Variants in CCDC141 observed in about 807,000 individuals in gnomAD.
The protein encoded by CCDC141 is coiled-coil domain containing 141, also known as coiled-coil domain-containing protein 141.
A neutral mutation model predicts 181.0 loss-of-function variants in CCDC141; 168 were observed. The ratio of observed to expected loss-of-function variants is 0.93; its 90% CI spans 0.82 to 1.05. The LOEUF is 1.05. Among genes scored for constraint, CCDC141 ranks in the 50% least tolerant of loss-of-function variants. The pLI, the probability that CCDC141 is intolerant of heterozygous loss-of-function variation, is 0.00. For missense variants in CCDC141, 1,902 were observed against 1,788.5 expected (o/e 1.06, Z -1.14); for synonymous variants, 666 against 642.3 (o/e 1.04, Z -0.56).
intron 8 of CCDC141, among the ~76,000 whole-genome samples, chr2:178,903,915 G>A (rs1269612676): frequency 2.6e-5 from 4 of 152,048 alleles, no homozygotes; most frequent in African/African-American, 7.2e-5. Flanking sequence ...AATTATAACT[G>A]GAAACCTCAC....
chr2:178,990,778 T>C (rs571997497), intron 2 of CCDC141, among the ~76,000 whole-genome samples: 1 of 152,170 alleles, frequency 6.6e-6, no homozygotes, highest in South Asian at 2.1e-4. Flanking sequence ...AAGAGCAGAA[T>C]GGTGCTTGCC....
Position 178,885,083 on chromosome 2 carries a change from G to A in CCDC141, c.1537C>T (p.His513Tyr), listed in dbSNP as rs932860976. The A allele has an allele frequency of 2.6e-6, 4 of 1,548,632 alleles. No homozygotes were observed. In the African/African-American group the frequency reaches 5.5e-5, roughly 21 times the overall value. ...GTTTTTGCAGCTGCTTCTAATTCAT[G>A]TGATGTCTCCTGTAAAAGCAAAGCA... ...ELDIQAKETSHELEAAAKTMM... is the reference protein window; with the variant it reads ...ELDIQAKETSYELEAAAKTMM... The change falls in exon 11 of 24, where the codon CAT becomes TAT. Residue 513 changes from histidine (H) to tyrosine (Y), a missense_variant. Coordinates refer to ENST00000443758, the MANE Select transcript of CCDC141 (RefSeq NM_173648.4).
chr2:179,018,061 G>A (rs1281905407), intron 2 of CCDC141, among the ~76,000 whole-genome samples: 1 of 152,150 alleles, frequency 6.6e-6, no homozygotes, highest in Admixed American at 6.6e-5. Context: ...CTTCCAAAAG[G>A]ATAGGAAACC....
intron 2 of CCDC141, among the ~76,000 whole-genome samples, chr2:178,987,943 A>G (rs2154381988): frequency 6.6e-6 from 1 of 151,320 alleles, no homozygotes; most frequent in South Asian, 2.1e-4. Flanking sequence ...TAGAAATACC[A>G]TTTGACCCAG....
Position 178,872,121 on chromosome 2 carries a change from T to A in CCDC141, c.2079+12A>T. Reference sequence around the variant, plus strand: ...TTCATTCCTTTTCACATCCCATTGTTCCTTGCCTCACCTTTTTAAGTTGCT... The same window carrying A: ...TTCATTCCTTTTCACATCCCATTGTACCTTGCCTCACCTTTTTAAGTTGCT... On this transcript the variant is annotated intron_variant, in intron 13 of 23. Transcript: ENST00000443758. The A allele has an allele frequency of 6.2e-7, 1 of 1,612,756 alleles. No individual in the cohort carries two copies. Among genetic ancestry groups the A allele is most frequent in the Non-Finnish European group, 8.5e-7 (1 of 1,179,452 alleles).
chr2:178,878,460 C>T (rs775034767), intron 11 of CCDC141, among the ~76,000 whole-genome samples: 5 of 148,610 alleles, frequency 3.4e-5, no homozygotes, highest in South Asian at 2.1e-4. Flanking sequence ...TATAGGCACC[C>T]GGCACCAGGC....
At chr2:178,939,575 C>T (rs1460709569) in intron 6 of CCDC141, among the ~76,000 whole-genome samples, 1 of 152,084 alleles carries the variant, frequency 6.6e-6, no homozygotes, top group African/African-American at 2.4e-5. Context: ...GAAATCTAAT[C>T]AGATGGATAG....
chr2:178,958,180 A>C lies in CCDC141; in HGVS notation c.780+3050T>G, dbSNP rs139843847. The stretch of plus-strand genomic sequence containing the variant: ...AGCACGGAGGATTATTAGGGCAGTG[A>C]AAATGGTTTCTATGATGCTATAATG... On this transcript the variant is annotated intron_variant, in intron 5 of 23. Coordinates refer to ENST00000443758, the MANE Select transcript of CCDC141 (RefSeq NM_173648.4). 4.6e-3 allele frequency among the ~76,000 whole-genome samples: 706 copies of C among 152,316 alleles called. 6 individuals are homozygous for C. Among genetic ancestry groups the C allele is most frequent in the African/African-American group, 0.016 (676 of 41,562 alleles).
intron 2 of CCDC141, among the ~76,000 whole-genome samples, chr2:179,011,378 G>A (rs999604009): frequency 2.0e-5 from 3 of 152,036 alleles, no homozygotes; most frequent in Admixed American, 6.5e-5. Flanking sequence ...AGACAAAGAA[G>A]GACATTATAT....
In CCDC141 at chr2:178,885,169, T is replaced by C. The variant is rs564880565; in HGVS notation, c.1528-77A>G. 3.1e-6 allele frequency: 3 copies of C among 955,072 alleles called. No homozygotes were observed. The Admixed American group carries it at 7.0e-5, about 22-fold the overall frequency. 59.2% of individuals were successfully genotyped at this position (955,072 alleles called of 1,614,324 possible). A position where few individuals can be genotyped will look rare whatever the true frequency, so the allele number is the denominator to read the frequency against. On this transcript the variant is annotated intron_variant, in intron 10 of 23. Coordinates refer to ENST00000443758, the MANE Select transcript of CCDC141 (RefSeq NM_173648.4). ...TTCACGTTTCATTATCTTCTGCATA[T>C]CCACCAATTATGATCACTAATTGAA...
chr2:179,021,919 C>A (rs1440923941), intron 2 of CCDC141, among the ~76,000 whole-genome samples: 2 of 152,132 alleles, frequency 1.3e-5, no homozygotes, highest in African/African-American at 4.8e-5. Context: ...AAAAATATTT[C>A]TTTTGCATAG....
At chr2:179,029,816 G>A (rs2042953724) in intron 2 of CCDC141, among the ~76,000 whole-genome samples, 1 of 152,048 alleles carries the variant, frequency 6.6e-6, no homozygotes. Context: ...AACCCTTTTT[G>A]CAGGCCAGTT....
At position 178,976,722 on chromosome 2, in the gene CCDC141, G is replaced by T. The variant is rs556363851; in HGVS notation, c.418-1557C>A. On this transcript the variant is annotated intron_variant, in intron 3 of 23. Coordinates refer to ENST00000443758, the MANE Select transcript of CCDC141 (RefSeq NM_173648.4). ...TACATGCACATAATTCAATAAGGGGGTCATATCCACATCATTTACATCTCT... is the reference window on the plus strand; with the variant it reads ...TACATGCACATAATTCAATAAGGGGTTCATATCCACATCATTTACATCTCT... 3.9e-5 allele frequency among the ~76,000 whole-genome samples: 6 copies of T among 152,174 alleles called. No individual in the cohort carries two copies. The East Asian group carries it at 9.7e-4, about 24-fold the overall frequency.
chr2:178,995,650 A>G (rs1013230238), intron 2 of CCDC141, among the ~76,000 whole-genome samples: 27 of 152,236 alleles, frequency 1.8e-4, no homozygotes, highest in African/African-American at 5.8e-4. Context: ...GCTAACTCAA[A>G]AAAAGTCTCA....
chr2:178,892,757 T>C lies in CCDC141; in HGVS notation c.1266-4089A>G, dbSNP rs554505206. On this transcript the variant is annotated intron_variant, in intron 8 of 23. Coordinates refer to ENST00000443758, the MANE Select transcript of CCDC141 (RefSeq NM_173648.4). ...GAACTGAAAATAAATTGATAGAATC[T>C]CATCAGTCTCCCAGAAATGAGTCCT... 6.8e-4 allele frequency among the ~76,000 whole-genome samples: 104 copies of C among 152,308 alleles called. No individual in the cohort carries two copies. In the South Asian group the frequency reaches 0.021, roughly 30 times the overall value.
intron 2 of CCDC141, among the ~76,000 whole-genome samples, chr2:179,011,161 A>G (rs1294557808): frequency 6.6e-6 from 1 of 152,126 alleles, no homozygotes; most frequent in Admixed American, 6.6e-5. Context: ...CTGTCTCAAA[A>G]AAAAAAAGAG....
chr2:178,945,080 T>TA (rs1297189628), intron 5 of CCDC141, among the ~76,000 whole-genome samples: 15 of 152,286 alleles, frequency 9.8e-5, no homozygotes, highest in Non-Finnish European at 2.2e-4. Context: ...TGCCATAAAA[T>TA]AGACTATGCA....
chr2:178,841,089 C>A (rs150920942), intron 22 of CCDC141, among the ~76,000 whole-genome samples: 49 of 152,242 alleles, frequency 3.2e-4, no homozygotes, highest in African/African-American at 1.2e-3. Context: ...GGACCATTGA[C>A]TTATGCTGAA....
At position 178,918,926 on chromosome 2, in the gene CCDC141, AT is replaced by A; in HGVS notation, c.898-20del. On this transcript the variant is annotated intron_variant, in intron 6 of 23. Coordinates refer to ENST00000443758, the MANE Select transcript of CCDC141 (RefSeq NM_173648.4). ...TCCATTCCTGCAAGAGATTATTCTTATTATTTTATACATCTCCTCTGTTATG... is the reference window on the plus strand; with the variant it reads ...TCCATTCCTGCAAGAGATTATTCTTATATTTTATACATCTCCTCTGTTATG... 6.5e-7 allele frequency: 1 copy of A among 1,543,050 alleles called. No individual in the cohort carries two copies. Among genetic ancestry groups the A allele is most frequent in the Non-Finnish European group, 8.8e-7 (1 of 1,142,118 alleles).
Sources: allele counts gnomAD v4.1 joint callset (sites outside exome capture counted in the v4.1 genomes callset), GRCh38; gene constraint gnomAD v4.1.1; transcripts MANE v1.5; gene names NCBI Gene and HGNC (gene_info 2026-07-23, HGNC 2026-07-21).